The following MROH7 variants were observed in gnomAD, a reference collection of about 807,000 sequenced individuals.
MROH7 encodes maestro heat-like repeat-containing protein family member 7.
Under a neutral mutation model 129.2 loss-of-function variants are expected in MROH7, and 113 were observed. The ratio of observed to expected loss-of-function variants is 0.87; its 90% CI spans 0.75 to 1.02. The LOEUF is 1.02. Ranked by LOEUF, MROH7 falls within the 50% of genes least tolerant of loss-of-function variation. The probability of loss-of-function intolerance (pLI) is 0.00; values close to 1 mark genes in which losing one functional copy is unlikely to be tolerated. For synonymous variants in MROH7, 655 were observed against 667.9 expected (o/e 0.98, Z 0.30); for missense variants, 1,601 against 1,671.3 (o/e 0.96, Z 0.73).
In MROH7 at chr1:54,670,883, T is replaced by C. The variant is rs1416883368; in HGVS notation, c.1553T>C (p.Val518Ala). 1 of 1,612,002 alleles carries C rather than the reference T, an allele frequency of 6.2e-7. No individual in the cohort carries two copies. Among genetic ancestry groups the C allele is most frequent in the African/African-American group, 1.3e-5 (1 of 75,022 alleles). The change falls in exon 7 of 24, where the codon GTG becomes GCG. Residue 518 changes from valine to alanine, a missense_variant. By Grantham distance (64) the Val-to-Ala change is moderately conservative. Transcript: ENST00000421030. ...CVHSVFSLPS[V>A]QAMQEKDEAK... Reference sequence around the variant, plus strand: ...CACAGCGTGTTCTCCCTGCCCTCCGTGCAGGCGATGCAGGAGAAGGACGAG... The same window carrying C: ...CACAGCGTGTTCTCCCTGCCCTCCGCGCAGGCGATGCAGGAGAAGGACGAG...
chr1:54,693,215 T>C (rs1569968545), intron 16 of MROH7, among the ~76,000 whole-genome samples: 1 of 152,172 alleles, frequency 6.6e-6, no homozygotes. Flanking sequence ...TCTTTCCCAT[T>C]TGAATGTGTA....
In MROH7 at chr1:54,670,719, T is replaced by A. The variant is rs1040348706; in HGVS notation, c.1470-81T>A. ...TTTTCCCCTCCCCTTGCCCAGTCCC[T>A]GTGCTCCTCAGCTCAGCCCCCGTCT... On this transcript the variant is annotated intron_variant, in intron 6 of 23. Coordinates refer to ENST00000421030, the MANE Select transcript of MROH7 (RefSeq NM_001039464.4). 6 of 1,248,292 alleles carry A rather than the reference T, an allele frequency of 4.8e-6. No homozygotes were observed. The African/African-American group carries it at 8.0e-5, about 17-fold the overall frequency. The allele number at this position is 1,248,292 out of a possible 1,614,324, so 77.3% of individuals were successfully genotyped here.
intron 1 of MROH7, among the ~76,000 whole-genome samples, chr1:54,647,238 GTTT>G (rs531512152): frequency 8.5e-4 from 129 of 152,294 alleles, no homozygotes; most frequent in African/African-American, 2.8e-3. Context: ...TTACTCCTAT[GTTT>G]TCTTCCAAGA....
rs145344706 is a variant in MROH7, at chr1:54,705,631, G to A, written c.3565-804G>A. On this transcript the variant is annotated intron_variant, in intron 21 of 23. Transcript: ENST00000421030. Reference sequence around the variant, plus strand: ...AAGAGTGGGAAGGGCACTCCAAATAGGAGCAATTTCTTGTAGAAGGTGCAG... The same window carrying A: ...AAGAGTGGGAAGGGCACTCCAAATAAGAGCAATTTCTTGTAGAAGGTGCAG... Among the ~76,000 whole-genome samples, 400 of 152,278 alleles carry A rather than the reference G, an allele frequency of 2.6e-3. 5 individuals carry two copies. Among genetic ancestry groups the A allele is most frequent in the African/African-American group, 9.4e-3 (389 of 41,558 alleles).
intron 4 of MROH7, chr1:54,665,469 G>T (rs1383059246): frequency 2.2e-6 from 1 of 450,626 alleles, no homozygotes; most frequent in African/African-American, 2.0e-5. Flanking sequence ...ATTTTTGTCT[G>T]TTATTCACAG....
At position 54,706,494 on chromosome 1, in the gene MROH7, GA is replaced by G. The variant is rs1331177496; in HGVS notation, c.3626del (p.Asn1209ThrfsTer14). 1 of 1,613,466 alleles carries G rather than the reference GA, an allele frequency of 6.2e-7. No individual in the cohort carries two copies. Among genetic ancestry groups the G allele is most frequent in the Non-Finnish European group, 8.5e-7 (1 of 1,179,962 alleles). ...FLSQSLEYAK[N>X]SRASLRKCSV... ...TCAGCCAGAGCCTGGAGTATGCCAAGAACTCACGGGCCTCCCTCCGGAAGTG... is the reference window on the plus strand; with the variant it reads ...TCAGCCAGAGCCTGGAGTATGCCAAGACTCACGGGCCTCCCTCCGGAAGTG... On this transcript the variant is annotated frameshift_variant, in exon 22 of 24. Transcript: ENST00000421030. LOFTEE classifies it high-confidence loss of function.
In MROH7 at chr1:54,699,167, C is replaced by CT. The variant is rs1557727309; in HGVS notation, c.2965-1151dup. On this transcript the variant is annotated intron_variant, in intron 17 of 23. Transcript: ENST00000421030. ...CTTTCTTTCTTTCTTTCTTTTCTTT[C>CT]TTTCTTTCTTTCTTTCTTTCTCTTT... is the stretch of plus-strand genomic sequence containing the variant. 82 of 113,046 alleles carry CT rather than the reference C, an allele frequency of 7.3e-4. 1 individual carries two copies. The East Asian group carries it at 0.013, about 18-fold the overall frequency. The allele number at this position is 113,046 out of a possible 1,614,324, so 7.0% of individuals were successfully genotyped here.
At position 54,679,390 on chromosome 1, in the gene MROH7, T is replaced by C; in HGVS notation, c.2177T>C (p.Val726Ala). 6.2e-7 allele frequency: 1 copy of C among 1,613,984 alleles called. No homozygotes were observed. Among genetic ancestry groups the C allele is most frequent in the Non-Finnish European group, 8.5e-7 (1 of 1,179,998 alleles). ...GAGATGATGCAGCTGGCCTCGGAGG[T>C]CATGCTCAGCTCGGTGCTGGAGTGG... ...SREMMQLASE[V>A]MLSSVLEWYR... The change falls in exon 12 of 24, where the codon GTC becomes GCC. Residue 726 changes from valine (V) to alanine (A), a missense_variant. Coordinates refer to ENST00000421030, the MANE Select transcript of MROH7 (RefSeq NM_001039464.4).
chr1:54,648,163 C>T (rs899177639), intron 1 of MROH7, among the ~76,000 whole-genome samples: 5 of 151,162 alleles, frequency 3.3e-5, no homozygotes, highest in African/African-American at 7.3e-5. Flanking sequence ...AGATTATAGA[C>T]GTGAGCCGCC....
In MROH7 at chr1:54,654,133, G is replaced by C; in HGVS notation, c.1207G>C (p.Val403Leu). 1.9e-6 allele frequency: 3 copies of C among 1,611,682 alleles called. No homozygotes were observed. The highest frequency in any genetic ancestry group is 2.5e-6 in the Non-Finnish European group (3 of 1,178,872). Residue 403 changes from valine to leucine, a missense_variant, in exon 3 of 24, where the codon GTG becomes CTG. Physicochemically the swap from Val to Leu is conservative, Grantham distance 32. Coordinates refer to ENST00000421030, the MANE Select transcript of MROH7 (RefSeq NM_001039464.4). ...PISNPAGKDA[V>L]TLQGIPEGAF... ...CTCCAACCCCGCAGGCAAGGACGCCGTGACCTTGCAAGGCATCCCTGAGGG... is the reference window on the plus strand; with the variant it reads ...CTCCAACCCCGCAGGCAAGGACGCCCTGACCTTGCAAGGCATCCCTGAGGG...
chr1:54,670,871 C>T lies in MROH7; in HGVS notation c.1541C>T (p.Ser514Phe). ...LVNVCVHSVF[S>F]LPSVQAMQEK... is the part of the protein sequence containing the mutation. Reference sequence around the variant, plus strand: ...AACGTGTGTGTGCACAGCGTGTTCTCCCTGCCCTCCGTGCAGGCGATGCAG... The same window carrying T: ...AACGTGTGTGTGCACAGCGTGTTCTTCCTGCCCTCCGTGCAGGCGATGCAG... Residue 514 changes from serine (S) to phenylalanine (F), a missense_variant, in exon 7 of 24, where the codon TCC becomes TTC. Transcript: ENST00000421030. 1 of 1,613,388 alleles carries T rather than the reference C, an allele frequency of 6.2e-7. No homozygotes were observed. The highest frequency in any genetic ancestry group is 1.3e-5 in the African/African-American group (1 of 75,042).
At chr1:54,670,411 C>A in intron 5 of MROH7, 86 bp from the exon 6 acceptor site, 1 of 1,174,602 alleles carries the variant, frequency 8.5e-7, no homozygotes, top group Non-Finnish European at 1.2e-6. Context: ...GCTGCTGTGA[C>A]CTGCTCCTTG....
chr1:54,642,533 A>G (rs991556361), intron 1 of MROH7, among the ~76,000 whole-genome samples: 5 of 152,188 alleles, frequency 3.3e-5, no homozygotes, highest in Admixed American at 6.5e-5. Context: ...GGGAATCTCT[A>G]TGGTATTATA....
At chr1:54,671,804 G>C (rs1374866600) in intron 7 of MROH7, among the ~76,000 whole-genome samples, 5 of 152,326 alleles carry the variant, frequency 3.3e-5, no homozygotes, top group African/African-American at 1.2e-4. Context: ...TTACAGGTGA[G>C]GTGAGTGTGG....
intron 15 of MROH7, among the ~76,000 whole-genome samples, chr1:54,687,792 A>G (rs1557717806): frequency 6.6e-6 from 1 of 152,012 alleles, no homozygotes. Context: ...TGCCAATATT[A>G]GAGTTAAAAA....
At chr1:54,656,052 C>T (rs1207200115) in intron 3 of MROH7, among the ~76,000 whole-genome samples, 3 of 151,450 alleles carry the variant, frequency 2.0e-5, no homozygotes, top group Admixed American at 6.6e-5. Context: ...CATCATCATG[C>T]CTGGCTAATT....
chr1:54,700,098 C>T (rs1440885928), intron 17 of MROH7: 1 of 705,710 alleles, frequency 1.4e-6, no homozygotes, highest in African/African-American at 1.8e-5. Context: ...AAGGCAACAA[C>T]AAGCAGTCAC....
At chr1:54,664,221 A>G (rs1644777737) in intron 3 of MROH7, among the ~76,000 whole-genome samples, 1 of 152,188 alleles carries the variant, frequency 6.6e-6, no homozygotes, top group Admixed American at 6.5e-5. Context: ...CCCAGGAAAG[A>G]TGAGGCTCTT....
intron 17 of MROH7, chr1:54,697,519 C>T (rs1322367782): frequency 3.6e-6 from 2 of 561,724 alleles, no homozygotes; most frequent in East Asian, 5.8e-5. Flanking sequence ...GCCCCAGCTC[C>T]ATCCAGTTCT....
Sources: gnomAD v4.1 joint callset for allele counts (sites outside exome capture counted in the v4.1 genomes callset) on GRCh38, gnomAD v4.1.1 for gene constraint, MANE v1.5 for transcripts, NCBI Gene and HGNC (gene_info 2026-07-23, HGNC 2026-07-21) for gene names.